The following GALNT15 variants were observed in gnomAD, a reference collection of about 807,000 sequenced individuals.
The protein encoded by GALNT15 is UDP-GalNAc transferase T15.
Under a neutral mutation model 66.8 loss-of-function variants are expected in GALNT15, and 67 were observed. The observed-to-expected ratio is 1.00, with a 90% confidence interval of 0.82 to 1.23. GALNT15 has a LOEUF of 1.23. GALNT15 is among the 50% of genes most tolerant of loss of function. GALNT15 has a pLI of 0.00. For missense variants in GALNT15, 827 were observed against 804.3 expected (o/e 1.03, Z -0.34); for synonymous variants, 313 against 311.5 (o/e 1.00, Z -0.05).
the GALNT15 span, among the ~76,000 whole-genome samples, chr3:16,246,357 C>T: frequency 9.4e-3 from 1,249 of 132,384 alleles, 11 homozygotes; most frequent in Middle Eastern, 0.047. Flanking sequence ...GATGGAGTCT[C>T]GCTCTGTTGC....
rs2063781459 is a variant in GALNT15 at position 16,208,552 on chromosome 3, C to T, written c.961C>T (p.Gln321Ter). 1 of 1,613,980 alleles carries T rather than the reference C, an allele frequency of 6.2e-7. No individual in the cohort carries two copies. Among genetic ancestry groups the T allele is most frequent in the African/African-American group, 1.3e-5 (1 of 74,894 alleles). The change falls in exon 4 of 10, where the codon CAG becomes TAG. Residue 321 changes from glutamine to a stop codon, truncating the protein, a stop_gained. Transcript: ENST00000339732. LOFTEE classifies it high-confidence loss of function. ...AGATGTGATTGACTGGAAGACTTTC[C>T]AGTATTACCCCTCAAAGGACCTGCA... ...VIDVIDWKTF[Q>*]YYPSKDLQRG... is the part of the protein sequence containing the mutation.
chr3:16,227,722 C>T lies in GALNT15; in HGVS notation c.*222C>T, dbSNP rs1004290176. On this transcript the variant is annotated 3_prime_UTR_variant, in exon 10 of 10. Coordinates refer to ENST00000339732, the MANE Select transcript of GALNT15 (RefSeq NM_054110.5). The surrounding 1 kb of genome is among the most constrained non-coding windows in gnomAD (Gnocchi z 4.5). ...AAAAAAAAAAAAAGGATCCATTGTA[C>T]CGTTGTCTTCATCACTGGGAAATGA... The T allele has an allele frequency of 1.4e-6, 2 of 1,380,416 alleles. No homozygotes were observed. Among genetic ancestry groups the T allele is most frequent in the Non-Finnish European group, 9.3e-7 (1 of 1,072,468 alleles). 85.5% of individuals were successfully genotyped at this position (1,380,416 alleles called of 1,614,324 possible).
At chr3:16,198,793 A>C (rs1489828142) in intron 2 of GALNT15, among the ~76,000 whole-genome samples, 5 of 141,712 alleles carry the variant, frequency 3.5e-5, no homozygotes, top group Non-Finnish European at 6.2e-5. Context: ...TGGTGCTTAG[A>C]AGACAGATTC....
At position 16,182,242 on chromosome 3, in the gene GALNT15, G is replaced by A. The variant is rs2063479078; in HGVS notation, c.539+6552G>A. 6.6e-6 allele frequency among the ~76,000 whole-genome samples: 1 copy of A among 151,992 alleles called. No homozygotes were observed. The highest frequency in any genetic ancestry group is 1.5e-5 in the Non-Finnish European group (1 of 68,014). On this transcript the variant is annotated intron_variant, in intron 1 of 9. Coordinates refer to ENST00000339732, the MANE Select transcript of GALNT15 (RefSeq NM_054110.5). This position sits in a 1 kb window ranked among gnomAD's most constrained non-coding sequence, Gnocchi z 6.1. ...ATCTCTACTTTAACAGGATCCCTAG[G>A]TGATTTCCATTCATGTTAAAGTTTG... is the stretch of plus-strand genomic sequence containing the variant.
Position 16,183,937 on chromosome 3 carries a change from C to A in GALNT15, c.539+8247C>A, listed in dbSNP as rs147548128. Among the ~76,000 whole-genome samples the A allele has an allele frequency of 1.3e-5, 2 of 152,214 alleles. No homozygotes were observed. Among genetic ancestry groups the A allele is most frequent in the Admixed American group, 6.5e-5 (1 of 15,284 alleles). The stretch of plus-strand genomic sequence containing the variant: ...GAGGGTGTGCATCTGTATGTAAACA[C>A]AAGACACCAGACTCCTCTGATCTTG... On this transcript the variant is annotated intron_variant, in intron 1 of 9. Transcript: ENST00000339732. The surrounding 1 kb of genome is among the most constrained non-coding windows in gnomAD (Gnocchi z 5.2).
chr3:16,225,788 A>G lies in GALNT15; in HGVS notation c.1774-1566A>G, dbSNP rs182058827. 1.7e-3 allele frequency among the ~76,000 whole-genome samples: 257 copies of G among 151,814 alleles called. 1 individual carries two copies. The highest frequency in any genetic ancestry group is 3.0e-3 in the Admixed American group (46 of 15,242). On this transcript the variant is annotated intron_variant, in intron 9 of 9. Coordinates refer to ENST00000339732, the MANE Select transcript of GALNT15 (RefSeq NM_054110.5). The surrounding 1 kb of genome is among the most constrained non-coding windows in gnomAD (Gnocchi z 4.4). Reference sequence around the variant, plus strand: ...TTAAAAATATTACACACGGTGCCCAACACTTTGAGAGGCAGAGGTGGGTGG... The same window carrying G: ...TTAAAAATATTACACACGGTGCCCAGCACTTTGAGAGGCAGAGGTGGGTGG...
Position 16,215,906 on chromosome 3 carries a change from C to CAAAAAAAAAAACAAAAAAAAAA in GALNT15, c.1392+3154_1392+3155insCAAAAAAAAAAAAAAAAAAAAA, listed in dbSNP as rs2063866573. ...GCCTGGCAACAGAGGGAGACTCCGCCAAAAAAAAAAAAAAAAAAAGAAGAG... is the reference window on the plus strand; with the variant it reads ...GCCTGGCAACAGAGGGAGACTCCGCCAAAAAAAAAAACAAAAAAAAAAAAAAAAAAAAAAAAAAAAAGAAGAG... On this transcript the variant is annotated intron_variant, in intron 6 of 9. Transcript: ENST00000339732. Among the ~76,000 whole-genome samples the CAAAAAAAAAAACAAAAAAAAAA allele has an allele frequency of 5.8e-5, 6 of 102,616 alleles. No individual in the cohort carries two copies. The East Asian group carries it at 1.5e-3, about 25-fold the overall frequency. The allele number at this position is 102,616 out of a possible 152,430, so 67.3% of individuals were successfully genotyped here. A position where few individuals can be genotyped will look rare whatever the true frequency, so the allele number is the denominator to read the frequency against.
At position 16,225,920 on chromosome 3, in the gene GALNT15, A is replaced by G. The variant is rs6770217; in HGVS notation, c.1774-1434A>G. ...AAAAATTAGCTGGGCATGGTGTCAC[A>G]TGCCTGTAATCCCAGCTACACGGGA... On this transcript the variant is annotated intron_variant, in intron 9 of 9. Coordinates refer to ENST00000339732, the MANE Select transcript of GALNT15 (RefSeq NM_054110.5). The surrounding 1 kb of genome is among the most constrained non-coding windows in gnomAD (Gnocchi z 4.4). 0.96 allele frequency among the ~76,000 whole-genome samples: 145,259 copies of G among 151,534 alleles called. 69,666 individuals are homozygous for G. Among genetic ancestry groups the G allele is most frequent in the East Asian group, 1 (5,109 of 5,114 alleles).
At chr3:16,214,065 C>T (rs974498486) in intron 6 of GALNT15, among the ~76,000 whole-genome samples, 1 of 152,214 alleles carries the variant, frequency 6.6e-6, no homozygotes, top group Non-Finnish European at 1.5e-5. Context: ...TCTTGGACCC[C>T]GTCGGTTAGT....
Position 16,203,539 on chromosome 3 carries a change from TCTCTCACACA to T in GALNT15, c.911+2718_911+2727del, listed in dbSNP as rs779083828. 9.2e-4 allele frequency among the ~76,000 whole-genome samples: 49 copies of T among 53,302 alleles called. No individual in the cohort carries two copies. In the East Asian group the frequency reaches 0.023, roughly 25 times the overall value. The allele number at this position is 53,302 out of a possible 152,430, so 35.0% of individuals were successfully genotyped here. A position where few individuals can be genotyped will look rare whatever the true frequency, so the allele number is the denominator to read the frequency against. On this transcript the variant is annotated intron_variant, in intron 3 of 9. Transcript: ENST00000339732. This position sits in a 1 kb window ranked among gnomAD's most constrained non-coding sequence, Gnocchi z 6.2. ...CACTCATTCTCTCTCTCTCTCTCTC[TCTCTCACACA>T]CACACACACACACACACACACACAC...
chr3:16,231,971 A>G, downstream of GALNT15: 2 of 1,483,990 alleles, frequency 1.3e-6, no homozygotes, highest in Non-Finnish European at 1.8e-6. The surrounding 1 kb of genome is among the most constrained non-coding windows in gnomAD (Gnocchi z 4.1). Context: ...GTCTTATTTA[A>G]ATAAAATCCA....
downstream of GALNT15, among the ~76,000 whole-genome samples, chr3:16,233,094 C>CTTTTTT (rs61516679): frequency 1.1e-3 from 67 of 61,194 alleles, 13 homozygotes; most frequent in South Asian, 5.0e-3. Flanking sequence ...GATAATGCAT[C>CTTTTTT]TTTTTTTTTT....
rs1218995060 is a variant in GALNT15, at chr3:16,182,106, G to T, written c.539+6416G>T. ...TGTGGTTAATCTGCACCTTGTCCTG[G>T]GGTGGGAGGAATTGATGTTATTTAC... is the stretch of plus-strand genomic sequence containing the variant. On this transcript the variant is annotated intron_variant, in intron 1 of 9. Coordinates refer to ENST00000339732, the MANE Select transcript of GALNT15 (RefSeq NM_054110.5). The surrounding 1 kb of genome is among the most constrained non-coding windows in gnomAD (Gnocchi z 6.1). Among the ~76,000 whole-genome samples the T allele has an allele frequency of 6.6e-6, 1 of 152,110 alleles. No individual in the cohort carries two copies. Among genetic ancestry groups the T allele is most frequent in the Non-Finnish European group, 1.5e-5 (1 of 68,018 alleles).
downstream of GALNT15, among the ~76,000 whole-genome samples, chr3:16,233,496 C>CT (rs1271104513): frequency 6.6e-6 from 1 of 152,126 alleles, no homozygotes; most frequent in Non-Finnish European, 1.5e-5. Context: ...ACTAGTTCTG[C>CT]TTTTTTGACC....
rs1259549207 is a variant in GALNT15, at chr3:16,211,900, C to T, written c.1197+659C>T. Among the ~76,000 whole-genome samples the T allele has an allele frequency of 6.6e-6, 1 of 152,172 alleles. No individual in the cohort carries two copies. Among genetic ancestry groups the T allele is most frequent in the African/African-American group, 2.4e-5 (1 of 41,444 alleles). On this transcript the variant is annotated intron_variant, in intron 5 of 9. Coordinates refer to ENST00000339732, the MANE Select transcript of GALNT15 (RefSeq NM_054110.5). This position sits in a 1 kb window ranked among gnomAD's most constrained non-coding sequence, Gnocchi z 4.3. Reference sequence around the variant, plus strand: ...TTCTCTCAAAAATTTAACCCCAGACCCTATGAGTTTGCTGTGGCACCCTGG... The same window carrying T: ...TTCTCTCAAAAATTTAACCCCAGACTCTATGAGTTTGCTGTGGCACCCTGG...
At chr3:16,199,334 A>G (rs1198240397) in intron 2 of GALNT15, among the ~76,000 whole-genome samples, 1 of 141,730 alleles carries the variant, frequency 7.1e-6, no homozygotes, top group Non-Finnish European at 1.6e-5. Context: ...CCCCTATAGA[A>G]TCAACCTTCC....
chr3:16,240,077 A>G, the GALNT15 span, among the ~76,000 whole-genome samples: 1 of 152,238 alleles, frequency 6.6e-6, no homozygotes, highest in African/African-American at 2.4e-5. Flanking sequence ...AGGTAATGGC[A>G]TCTGGCCGAT....
the GALNT15 span, among the ~76,000 whole-genome samples, chr3:16,244,991 C>T: frequency 5.9e-5 from 9 of 152,078 alleles, no homozygotes; most frequent in Non-Finnish European, 1.2e-4. Flanking sequence ...GCATTATGCA[C>T]CAGGGTTTTC....
chr3:16,233,670 T>TA (rs1249088970), downstream of GALNT15, among the ~76,000 whole-genome samples: 1 of 152,224 alleles, frequency 6.6e-6, no homozygotes, highest in Non-Finnish European at 1.5e-5. Flanking sequence ...ATTCCACTCT[T>TA]ACTTTTCCTC....
Sources: gnomAD v4.1 joint callset for allele counts (sites outside exome capture counted in the v4.1 genomes callset) on GRCh38, gnomAD v4.1.1 for gene constraint, Gnocchi (gnomAD v3.1) non-coding constraint, MANE v1.5 for transcripts, NCBI Gene and HGNC (gene_info 2026-07-23, HGNC 2026-07-21) for gene names.